CIZ1: variants seen among roughly 807,000 people sequenced by gnomAD.
CIZ1 encodes cip1-interacting zinc finger protein.
Under a neutral mutation model 118.6 loss-of-function variants are expected in CIZ1, and 58 were observed. That is an observed-to-expected ratio of 0.49 (90% CI 0.40 to 0.61). CIZ1 has a LOEUF of 0.61. Among genes scored for constraint, CIZ1 ranks in the 20% least tolerant of loss-of-function variants. The probability of loss-of-function intolerance (pLI) is 0.00; values close to 1 mark genes in which losing one functional copy is unlikely to be tolerated. For synonymous variants in CIZ1, 448 were observed against 443.4 expected (o/e 1.01, Z -0.13); for missense variants, 921 against 1,115.9 (o/e 0.83, Z 2.49).
At chr9:128,196,316 G>A (rs1188000217), upstream of CIZ1, among the ~76,000 whole-genome samples, 1 of 152,112 alleles carries the variant, frequency 6.6e-6, no homozygotes, top group Admixed American at 6.6e-5. Context: ...GAGAGGCCAA[G>A]GTGGGAGGAT....
At chr9:128,175,281 G>A (rs45497493) in intron 11 of CIZ1, among the ~76,000 whole-genome samples, 192 of 152,094 alleles carry the variant, frequency 1.3e-3, no homozygotes, top group Admixed American at 2.2e-3. Flanking sequence ...CCCTACTTTC[G>A]AGTATTTTAG....
chr9:128,188,002 GAAAACAATCTC>G, intron 3 of CIZ1, 68 bp from the exon 4 acceptor site: 1 of 307,836 alleles, frequency 3.2e-6, no homozygotes, highest in Non-Finnish European at 6.5e-6. Flanking sequence ...GACTCAGTGA[GAAAACAATCTC>G]AAACAACATA....
chr9:128,171,268 T>C (rs1411146174), intron 11 of CIZ1, among the ~76,000 whole-genome samples: 1 of 150,380 alleles, frequency 6.6e-6, no homozygotes, highest in Non-Finnish European at 1.5e-5. Context: ...CTTGTCTCTA[T>C]ATAAAATAAA....
In CIZ1 at chr9:128,185,765, C is replaced by T. The variant is rs1267280179; in HGVS notation, c.370G>A (p.Gly124Ser). Reference protein sequence around the residue: ...MPTATLGNLRGYGMASPGLAA... With the variant: ...MPTATLGNLRSYGMASPGLAA... ...AGGCCTGGGGATGCCATGCCATAGC[C>T]TCGGAGGTTACCTGCAGGCAAGAAG... Residue 124 changes from glycine (G) to serine (S), a missense_variant, in exon 5 of 17, where the codon GGC (glycine) becomes AGC (serine). Transcript: ENST00000372938. 1.2e-6 allele frequency: 2 copies of T among 1,613,376 alleles called. No homozygotes were observed. The highest frequency in any genetic ancestry group is 1.7e-5 in the Admixed American group (1 of 59,956).
rs754934873 is a variant in CIZ1 at position 128,178,466 on chromosome 9, G to A, written c.1523C>T (p.Pro508Leu). 1.9e-6 allele frequency: 3 copies of A among 1,614,058 alleles called. No individual in the cohort carries two copies. Among genetic ancestry groups the A allele is most frequent in the African/African-American group, 1.3e-5 (1 of 74,946 alleles). ...TTCCATGCTGACTTGGGTGCCCACA[G>A]GCTCTGGCAAGGTCTTTTCCATGCC... ...GGGMEKTLPE[P>L]VGTQVSMEEI... Residue 508 changes from proline (P) to leucine (L), a missense_variant, in exon 9 of 17, where the codon CCT (proline) becomes CTT (leucine). Physicochemically the swap from Pro to Leu is moderately conservative, Grantham distance 98. Transcript: ENST00000372938.
Position 128,166,929 on chromosome 9 carries a change from GGT to G in CIZ1, c.2366-51_2366-50del. The G allele has an allele frequency of 1.2e-6, 2 of 1,613,720 alleles. No individual in the cohort carries two copies. The highest frequency in any genetic ancestry group is 1.7e-6 in the Non-Finnish European group (2 of 1,179,778). On this transcript the variant is annotated intron_variant, in intron 15 of 16. Transcript: ENST00000372938. This position sits in a 1 kb window ranked among gnomAD's most constrained non-coding sequence, Gnocchi z 4.4. ...TGCACTCACATCCCTGTACCAGCGA[GGT>G]GTCCCTCCCTCTCTAGGGGCCCATG...
chr9:128,186,471 C>T (rs1588231790), intron 4 of CIZ1, among the ~76,000 whole-genome samples: 1 of 152,270 alleles, frequency 6.6e-6, no homozygotes, highest in Non-Finnish European at 1.5e-5. Flanking sequence ...CCGCTCCATC[C>T]CCACTCCCAC....
At chr9:128,172,449 C>T (rs1054269374) in intron 11 of CIZ1, among the ~76,000 whole-genome samples, 29 of 151,934 alleles carry the variant, frequency 1.9e-4, no homozygotes, top group African/African-American at 6.3e-4. Context: ...GCCAAGATTG[C>T]GCCACTGCAC....
intron 5 of CIZ1, among the ~76,000 whole-genome samples, chr9:128,184,259 T>C (rs1280449607): frequency 6.6e-6 from 1 of 152,190 alleles, no homozygotes; most frequent in Non-Finnish European, 1.5e-5. Flanking sequence ...GAGAGGTCAG[T>C]ATCAGATACA....
At chr9:128,176,556 C>T (rs761342419) in intron 10 of CIZ1, 81 bp from the exon 11 acceptor site, 34 of 1,419,654 alleles carry the variant, frequency 2.4e-5, no homozygotes, top group Non-Finnish European at 3.0e-5. Context: ...GGAGGCAGAC[C>T]CCAGCCTCAT....
intron 9 of CIZ1, 50 bp downstream of exon 9, chr9:128,178,319 C>T: frequency 1.3e-6 from 2 of 1,570,594 alleles, no homozygotes; most frequent in Non-Finnish European, 1.7e-6. Flanking sequence ...GCCATCCCAC[C>T]CTGCTGGGCT....
At chr9:128,186,380 CCT>C (rs1832377314) in intron 4 of CIZ1, among the ~76,000 whole-genome samples, 1 of 152,014 alleles carries the variant, frequency 6.6e-6, no homozygotes. Flanking sequence ...CTCATTCCTC[CCT>C]CTCTTTGCCC....
chr9:128,176,039 G>A (rs1180610944), intron 11 of CIZ1, among the ~76,000 whole-genome samples: 2 of 152,196 alleles, frequency 1.3e-5, no homozygotes, highest in Non-Finnish European at 2.9e-5. Flanking sequence ...ACCCCACAGC[G>A]GGGTTAGCAC....
intron 5 of CIZ1, 130 bp from the exon 6 acceptor site, chr9:128,180,944 A>G: frequency 1.5e-6 from 1 of 678,330 alleles, no homozygotes; most frequent in Non-Finnish European, 2.6e-6. Context: ...GCCTGGCCCC[A>G]GAGTTGCCGA....
intron 2 of CIZ1, 60 bp from the exon 3 acceptor site, chr9:128,190,504 C>T (rs1208465976): frequency 3.5e-6 from 5 of 1,416,848 alleles, no homozygotes; most frequent in Non-Finnish European, 4.9e-6. Flanking sequence ...CCTTCTTCCC[C>T]AAGGCTTCTC....
chr9:128,169,968 T>TC, intron 12 of CIZ1, 52 bp downstream of exon 12: 1 of 1,515,380 alleles, frequency 6.6e-7, no homozygotes, highest in Admixed American at 1.9e-5. Flanking sequence ...TTGTCTGGAC[T>TC]CCACTTGCAG....
Position 128,179,498 on chromosome 9 carries a change from C to A in CIZ1, c.792-83G>T, listed in dbSNP as rs1004809540. 7 of 1,270,764 alleles carry A rather than the reference C, an allele frequency of 5.5e-6. No individual in the cohort carries two copies. In the African/African-American group the frequency reaches 8.9e-5, roughly 16 times the overall value. 78.7% of individuals were successfully genotyped at this position (1,270,764 alleles called of 1,614,324 possible). On this transcript the variant is annotated intron_variant, in intron 7 of 16. Coordinates refer to ENST00000372938, the MANE Select transcript of CIZ1 (RefSeq NM_001131016.2). ...CAAGTAAGGCCAAAACTAGGCCGAG[C>A]GTGGTGGCTCGCATCTGTAAACCCA...
intron 4 of CIZ1, among the ~76,000 whole-genome samples, 162 bp from the exon 5 acceptor site, chr9:128,185,938 C>G (rs1832309756): frequency 1.3e-5 from 2 of 152,172 alleles, no homozygotes; most frequent in African/African-American, 4.8e-5. Flanking sequence ...AGCTGAGGCT[C>G]AGCCCCATCT....
chr9:128,185,484 G>A (rs1832245805), intron 5 of CIZ1, 63 bp downstream of exon 5: 8 of 1,087,680 alleles, frequency 7.4e-6, no homozygotes, highest in Non-Finnish European at 1.1e-5. Flanking sequence ...GCCAGAGCAG[G>A]TGGCACTGGG....
Sources: allele counts gnomAD v4.1 joint callset (sites outside exome capture counted in the v4.1 genomes callset), GRCh38; gene constraint gnomAD v4.1.1; non-coding constraint Gnocchi (gnomAD v3.1); transcripts MANE v1.5; gene names NCBI Gene and HGNC (gene_info 2026-07-23, HGNC 2026-07-21).